Variants in PRDM16 observed in about 807,000 individuals in gnomAD.
PRDM16 encodes histone-lysine N-methyltransferase PRDM16.
Under a neutral mutation model 110.6 loss-of-function variants are expected in PRDM16, and 23 were observed. The observed-to-expected ratio is 0.21, with a 90% CI of 0.15 to 0.29. The LOEUF (loss-of-function observed/expected upper bound fraction) is 0.29. PRDM16 is among the 10% of genes least tolerant of loss of function. The probability of loss-of-function intolerance (pLI) is 1.00; values close to 1 mark genes in which losing one functional copy is unlikely to be tolerated. For missense variants in PRDM16, 1,615 were observed against 1,794.3 expected, an observed-to-expected ratio of 0.90 and a Z score of 1.81; for synonymous variants, 799 against 781.8, an observed-to-expected ratio of 1.02 and a Z score of -0.37.
At chr1:3,126,371 T>C (rs139454749) in intron 1 of PRDM16, among the ~76,000 whole-genome samples, 1 of 152,198 alleles carries the variant, frequency 6.6e-6, no homozygotes, top group Non-Finnish European at 1.5e-5. Flanking sequence ...GGGGGCTCAG[T>C]CCACTGCTCA....
rs1311787799 is a variant in PRDM16, at chr1:3,069,677, G to A, written c.37+381G>A. Among the ~76,000 whole-genome samples the A allele has an allele frequency of 6.6e-6, 1 of 151,904 alleles. No homozygotes were observed. The highest frequency in any genetic ancestry group is 2.0e-4 in the East Asian group (1 of 5,096). On this transcript the variant is annotated intron_variant, in intron 1 of 16. Coordinates refer to ENST00000270722, the MANE Select transcript of PRDM16 (RefSeq NM_022114.4). This position sits in a 1 kb window ranked among gnomAD's most constrained non-coding sequence, Gnocchi z 6.1. ...GAAAGTTAGCGAAAAGTTGACGAAA[G>A]GGGAGAGCAACTTTTTCCTCCCCGC...
intron 4 of PRDM16, among the ~76,000 whole-genome samples, chr1:3,385,946 C>G (rs1020247488): frequency 6.6e-6 from 1 of 152,246 alleles, no homozygotes; most frequent in Non-Finnish European, 1.5e-5. Flanking sequence ...AACAGGCATC[C>G]AGACCCACAG....
intron 12 of PRDM16, among the ~76,000 whole-genome samples, chr1:3,423,144 G>A (rs1213861052): frequency 6.6e-6 from 1 of 152,194 alleles, no homozygotes; most frequent in African/African-American, 2.4e-5. Flanking sequence ...AAGTGGGATG[G>A]GGATATGCCT....
intron 2 of PRDM16, among the ~76,000 whole-genome samples, chr1:3,231,261 A>G (rs10797384): frequency 0.29 from 44,203 of 152,134 alleles, 9,262 homozygotes; most frequent in African/African-American, 0.58. Flanking sequence ...TTTGGTCCGC[A>G]AGTCATGGCA....
At chr1:3,276,311 T>A (rs1640581604) in intron 3 of PRDM16, among the ~76,000 whole-genome samples, 1 of 152,202 alleles carries the variant, frequency 6.6e-6, no homozygotes, top group East Asian at 1.9e-4. Context: ...GTGGGAGTCC[T>A]GGTCTCAGCA....
In PRDM16 at chr1:3,365,283, T is replaced by C. The variant is rs867990739; in HGVS notation, c.439-19869T>C. Among the ~76,000 whole-genome samples, 7 of 152,250 alleles carry C rather than the reference T, an allele frequency of 4.6e-5. No homozygotes were observed. In the East Asian group the frequency reaches 7.7e-4, roughly 17 times the overall value. On this transcript the variant is annotated intron_variant, in intron 3 of 16. Transcript: ENST00000270722. ...GCCTGCTGTGGCACCAACAAACCCC[T>C]ACCAAGCACCTACTGTGTGTCACAC...
At chr1:3,173,582 C>G (rs2100764363) in intron 1 of PRDM16, among the ~76,000 whole-genome samples, 2 of 152,352 alleles carry the variant, frequency 1.3e-5, no homozygotes, top group South Asian at 4.1e-4. Flanking sequence ...TGGGCAGTGG[C>G]TTCGTGGACC....
At chr1:3,178,102 G>A (rs907758552) in intron 1 of PRDM16, among the ~76,000 whole-genome samples, 10 of 152,296 alleles carry the variant, frequency 6.6e-5, no homozygotes, top group East Asian at 1.9e-4. Context: ...GGTGTTTGGC[G>A]AGCTGAGGAG....
chr1:3,200,189 C>T (rs1176782513), intron 2 of PRDM16, among the ~76,000 whole-genome samples: 1 of 152,222 alleles, frequency 6.6e-6, no homozygotes, highest in Admixed American at 6.5e-5. Flanking sequence ...CTCACAGCCG[C>T]TGAGTCAAGG....
chr1:3,104,988 G>A (rs12133978), intron 1 of PRDM16, among the ~76,000 whole-genome samples: 20,326 of 152,002 alleles, frequency 0.13, 1,726 homozygotes, highest in East Asian at 0.29. Context: ...AGGATGGACT[G>A]TTCTGGAGCA....
chr1:3,291,529 G>T (rs1012928854), intron 3 of PRDM16, among the ~76,000 whole-genome samples: 15 of 152,222 alleles, frequency 9.9e-5, no homozygotes, highest in African/African-American at 3.6e-4. Flanking sequence ...AGCTCCAGGG[G>T]CCCACAGGCC....
chr1:3,254,696 A>G (rs1206792311), intron 3 of PRDM16, among the ~76,000 whole-genome samples: 2 of 152,222 alleles, frequency 1.3e-5, no homozygotes, highest in Non-Finnish European at 2.9e-5. Flanking sequence ...GCTCATGGAT[A>G]GGAAGAATCA....
At chr1:3,403,870 C>T (rs1361095287) in intron 6 of PRDM16, among the ~76,000 whole-genome samples, 1 of 152,238 alleles carries the variant, frequency 6.6e-6, no homozygotes, top group Non-Finnish European at 1.5e-5. Context: ...GGATTACCGC[C>T]CATCCCCGCA....
chr1:3,075,453 C>T (rs1372270318), intron 1 of PRDM16, among the ~76,000 whole-genome samples: 1 of 152,214 alleles, frequency 6.6e-6, no homozygotes, highest in Admixed American at 6.5e-5. Context: ...AACTACAATG[C>T]GGCCTACTGG....
At chr1:3,284,655 T>C (rs1640806340) in intron 3 of PRDM16, among the ~76,000 whole-genome samples, 1 of 152,210 alleles carries the variant, frequency 6.6e-6, no homozygotes, top group Non-Finnish European at 1.5e-5. Flanking sequence ...CAGATCATCT[T>C]CAGATAGACT....
intron 2 of PRDM16, among the ~76,000 whole-genome samples, chr1:3,239,886 G>A (rs985302326): frequency 2.6e-5 from 4 of 152,010 alleles, no homozygotes; most frequent in Non-Finnish European, 5.9e-5. Flanking sequence ...GGAGGTCGAG[G>A]TTGCAGTGAG....
At chr1:3,073,844 G>T (rs1048282490) in intron 1 of PRDM16, among the ~76,000 whole-genome samples, 1 of 152,124 alleles carries the variant, frequency 6.6e-6, no homozygotes, top group African/African-American at 2.4e-5. Flanking sequence ...TGGACCCCGG[G>T]GTCCCCTCCT....
chr1:3,279,646 G>A (rs934460971), intron 3 of PRDM16, among the ~76,000 whole-genome samples: 7 of 152,344 alleles, frequency 4.6e-5, no homozygotes, highest in Admixed American at 2.6e-4. Context: ...GGCTGAGGAC[G>A]GGCAGCCGTC....
In PRDM16 at chr1:3,157,422, T is replaced by TAAAAAAAAA. The variant is rs34858929; in HGVS notation, c.38-28691_38-28683dup. 8.2e-6 allele frequency among the ~76,000 whole-genome samples: 1 copy of TAAAAAAAAA among 122,182 alleles called. No individual in the cohort carries two copies. The highest frequency in any genetic ancestry group is 1.7e-5 in the Non-Finnish European group (1 of 59,468). The allele number at this position is 122,182 out of a possible 152,430, so 80.2% of individuals were successfully genotyped here. ...GCTCCCAGGCCTTTTGCGATCCCATTAAAAAAAAAAAAAAAAAAAACACCT... is the reference window on the plus strand; with the variant it reads ...GCTCCCAGGCCTTTTGCGATCCCATTAAAAAAAAAAAAAAAAAAAAAAAAAAAAACACCT... On this transcript the variant is annotated intron_variant, in intron 1 of 16. Transcript: ENST00000270722. This position sits in a 1 kb window ranked among gnomAD's most constrained non-coding sequence, Gnocchi z 4.8.
Sources: allele counts gnomAD v4.1 joint callset (sites outside exome capture counted in the v4.1 genomes callset), GRCh38; gene constraint gnomAD v4.1.1; non-coding constraint Gnocchi (gnomAD v3.1); transcripts MANE v1.5; gene names NCBI Gene and HGNC (gene_info 2026-07-23, HGNC 2026-07-21).